ARGLU1: variants seen among roughly 807,000 people sequenced by gnomAD.
ARGLU1 encodes the protein arginine and glutamate-rich protein 1.
ARGLU1 carries 9 observed loss-of-function variants against 37.6 expected under a neutral mutation model. The ratio of observed to expected loss-of-function variants is 0.24; its 90% CI spans 0.14 to 0.42. The LOEUF (loss-of-function observed/expected upper bound fraction) is 0.42, where lower values mean the gene tolerates loss of function less well. Ranked by LOEUF, ARGLU1 falls within the 10% of genes least tolerant of loss-of-function variation. The probability of loss-of-function intolerance (pLI) is 1.00; values close to 1 mark genes in which losing one functional copy is unlikely to be tolerated. For synonymous variants in ARGLU1, 166 were observed against 138.5 expected (o/e 1.20, Z -1.39); for missense variants, 211 against 359.2 (o/e 0.59, Z 3.34).
chr13:106,562,948 A>G (rs1312923445), intron 1 of ARGLU1, among the ~76,000 whole-genome samples: 18 of 140,438 alleles, frequency 1.3e-4, no homozygotes, highest in Non-Finnish European at 2.4e-4. Flanking sequence ...GCGCCACTGC[A>G]CCACTGCACT....
chr13:106,562,580 C>T (rs1880839641), intron 1 of ARGLU1, among the ~76,000 whole-genome samples: 1 of 152,152 alleles, frequency 6.6e-6, no homozygotes, highest in Admixed American at 6.5e-5. Context: ...TGCTGAATAT[C>T]CATTTCCCTG....
At position 106,567,940 on chromosome 13, in the gene ARGLU1, C is replaced by G. The variant is rs1881023045; in HGVS notation, c.-21G>C. 1 of 1,596,328 alleles carries G rather than the reference C, an allele frequency of 6.3e-7. No individual in the cohort carries two copies. The highest frequency in any genetic ancestry group is 1.4e-5 in the African/African-American group (1 of 73,966). On this transcript the variant is annotated 5_prime_UTR_variant, in exon 1 of 4. Coordinates refer to ENST00000400198, the MANE Select transcript of ARGLU1 (RefSeq NM_018011.4). This position sits in a 1 kb window ranked among gnomAD's most constrained non-coding sequence, Gnocchi z 4.3. ...CCCATCCTTCCGGGAGACGCTCTAA[C>G]CGCTCGCCTCAGGCCCCTCACGCGG...
intron 1 of ARGLU1, among the ~76,000 whole-genome samples, chr13:106,563,548 A>C (rs1447014830): frequency 6.6e-6 from 1 of 152,220 alleles, no homozygotes; most frequent in Admixed American, 6.5e-5. Flanking sequence ...TCACATTTGT[A>C]ATCCCAGCAC....
At position 106,557,234 on chromosome 13, in the gene ARGLU1, G is replaced by C; in HGVS notation, c.574-103C>G. ...TGAACTTTTTTGATATGACTTACAG[G>C]GTAGCTTTATAGCTACCTTCTGTCT... On this transcript the variant is annotated intron_variant, in intron 2 of 3. Transcript: ENST00000400198. The surrounding 1 kb of genome is among the most constrained non-coding windows in gnomAD (Gnocchi z 5.0). The C allele has an allele frequency of 1.9e-6, 2 of 1,031,544 alleles. No homozygotes were observed. Among genetic ancestry groups the C allele is most frequent in the South Asian group, 1.4e-5 (1 of 69,306 alleles). The allele number at this position is 1,031,544 out of a possible 1,614,324, so 63.9% of individuals were successfully genotyped here.
chr13:106,567,656 C>T lies in ARGLU1; in HGVS notation c.264G>A (p.Thr88=), dbSNP rs769557116. 6.8e-6 allele frequency: 11 copies of T among 1,613,078 alleles called. No individual in the cohort carries two copies. The African/African-American group carries it at 1.3e-4, about 20-fold the overall frequency. Residue 88 remains threonine, a synonymous_variant, in exon 1 of 4, where the codon ACG becomes ACA. Transcript: ENST00000400198. The surrounding 1 kb of genome is among the most constrained non-coding windows in gnomAD (Gnocchi z 4.3). ...CGTCCAGGCTGCTGCGCTTGCTCAC[C>T]GTGCGCCCGAAGATGTCGATGCGGT... ...PPDRIDIFGR[T]VSKRSSLDEK... is the part of the protein sequence containing the mutation.
At chr13:106,550,751 G>GCC (rs746602721) in intron 3 of ARGLU1, among the ~76,000 whole-genome samples, 2 of 152,156 alleles carry the variant, frequency 1.3e-5, no homozygotes, top group Non-Finnish European at 2.9e-5. Context: ...TCTGTTCCCT[G>GCC]CCTCTTCCAG....
Position 106,567,778 on chromosome 13 carries a change from G to T in ARGLU1, c.142C>A (p.Arg48=). Residue 48 remains arginine (R), a synonymous_variant, in exon 1 of 4, where the codon CGG becomes AGG. Coordinates refer to ENST00000400198, the MANE Select transcript of ARGLU1 (RefSeq NM_018011.4). The surrounding 1 kb of genome is among the most constrained non-coding windows in gnomAD (Gnocchi z 4.3). The part of the protein sequence containing the change: ...RKRSKSRESK[R]NRRRESRSRS... ...GACCGCGACTCCCGCCGCCGGTTCC[G>T]TTTACTTTCCCGAGATTTGGAACGC... 1 of 1,613,344 alleles carries T rather than the reference G, an allele frequency of 6.2e-7. No homozygotes were observed. The highest frequency in any genetic ancestry group is 8.5e-7 in the Non-Finnish European group (1 of 1,179,656).
intron 3 of ARGLU1, among the ~76,000 whole-genome samples, chr13:106,546,329 T>C (rs1220637290): frequency 6.6e-6 from 1 of 152,218 alleles, no homozygotes; most frequent in Admixed American, 6.5e-5. Flanking sequence ...TAAAGTATAA[T>C]GTTTCTCTAA....
At position 106,567,761 on chromosome 13, in the gene ARGLU1, C is replaced by A; in HGVS notation, c.159G>T (p.Glu53Asp). 2 of 1,612,224 alleles carry A rather than the reference C, an allele frequency of 1.2e-6. No homozygotes were observed. The highest frequency in any genetic ancestry group is 1.7e-6 in the Non-Finnish European group (2 of 1,179,322). Residue 53 changes from glutamate (E) to aspartate (D), a missense_variant, in exon 1 of 4, where the codon GAG becomes GAT. This residue lies in a region of ARGLU1 where 130 missense variants were observed against 179.8 expected (regional missense o/e 0.72). Coordinates refer to ENST00000400198, the MANE Select transcript of ARGLU1 (RefSeq NM_018011.4). The surrounding 1 kb of genome is among the most constrained non-coding windows in gnomAD (Gnocchi z 4.3). ...SRESKRNRRR[E>D]SRSRSRSTNT... ...TGGTGGAGCGCGAACGGGACCGCGA[C>A]TCCCGCCGCCGGTTCCGTTTACTTT... is the stretch of plus-strand genomic sequence containing the variant.
In ARGLU1 at chr13:106,554,624, C is replaced by A. The variant is rs533312820; in HGVS notation, c.657+2424G>T. ...TTTCTTGGCCGGGCGCGGTAGCTCACGCCTGTAATCCCAGCACTTTGGGAG... is the reference window on the plus strand; with the variant it reads ...TTTCTTGGCCGGGCGCGGTAGCTCAAGCCTGTAATCCCAGCACTTTGGGAG... On this transcript the variant is annotated intron_variant, in intron 3 of 3. Transcript: ENST00000400198. Among the ~76,000 whole-genome samples the A allele has an allele frequency of 2.0e-5, 3 of 152,298 alleles. No homozygotes were observed. In the South Asian group the frequency reaches 6.2e-4, roughly 32 times the overall value.
intron 1 of ARGLU1, among the ~76,000 whole-genome samples, chr13:106,560,006 T>C (rs377316576): frequency 2.6e-5 from 4 of 152,212 alleles, no homozygotes; most frequent in South Asian, 2.1e-4. Context: ...TTAAAACATA[T>C]GGATTTGCTC....
intron 3 of ARGLU1, among the ~76,000 whole-genome samples, chr13:106,555,797 T>C (rs1410110245): frequency 6.6e-6 from 1 of 152,186 alleles, no homozygotes; most frequent in African/African-American, 2.4e-5. Context: ...AGATCTTGGC[T>C]GGGCACACCA....
chr13:106,564,079 T>C (rs972250060), intron 1 of ARGLU1, among the ~76,000 whole-genome samples: 1 of 152,190 alleles, frequency 6.6e-6, no homozygotes, highest in Non-Finnish European at 1.5e-5. Context: ...ACTGAATGGC[T>C]GGGACGCAAG....
Position 106,565,871 on chromosome 13 carries a change from T to C in ARGLU1, c.347+1702A>G, listed in dbSNP as rs112821335. Among the ~76,000 whole-genome samples the C allele has an allele frequency of 6.4e-4, 98 of 152,348 alleles. No homozygotes were observed. The Middle Eastern group carries it at 0.014, about 21-fold the overall frequency. The stretch of plus-strand genomic sequence containing the variant: ...TGCCGTATTTCATTCCTGAATTTCT[T>C]GTCTGCTATACATGCGAAACCTGCT... On this transcript the variant is annotated intron_variant, in intron 1 of 3. Coordinates refer to ENST00000400198, the MANE Select transcript of ARGLU1 (RefSeq NM_018011.4).
chr13:106,559,795 A>G (rs1202377853), intron 1 of ARGLU1, 138 bp from the exon 2 acceptor site: 1 of 920,586 alleles, frequency 1.1e-6, no homozygotes, highest in Non-Finnish European at 1.6e-6. Flanking sequence ...TCCATGTCAC[A>G]TTTGAGGAAA....
chr13:106,545,294 T>C (rs896951313), intron 3 of ARGLU1, among the ~76,000 whole-genome samples: 5 of 152,310 alleles, frequency 3.3e-5, no homozygotes, highest in Non-Finnish European at 5.9e-5. Flanking sequence ...TTATCCTTTT[T>C]CCCCTCTATC....
chr13:106,565,850 G>C (rs1305782739), intron 1 of ARGLU1, among the ~76,000 whole-genome samples: 1 of 152,114 alleles, frequency 6.6e-6, no homozygotes, highest in Non-Finnish European at 1.5e-5. Context: ...TCTATTTGCC[G>C]TATTTCATTC....
rs913872769 is a variant in ARGLU1 at position 106,543,499 on chromosome 13, G to C, written c.*497C>G. 3 of 152,750 alleles carry C rather than the reference G, an allele frequency of 2.0e-5. No homozygotes were observed. The highest frequency in any genetic ancestry group is 7.2e-5 in the African/African-American group (3 of 41,412). 9.5% of individuals were successfully genotyped at this position (152,750 alleles called of 1,614,324 possible). A position where few individuals can be genotyped will look rare whatever the true frequency, so the allele number is the denominator to read the frequency against. On this transcript the variant is annotated 3_prime_UTR_variant, in exon 4 of 4. Transcript: ENST00000400198. ...TCCTTACCTGTATCAGGAACATCAA[G>C]AGCAACAGTATCACAAGGACACTGG...
chr13:106,562,997 AAAAAAAAAAAAC>A (rs1373148535), intron 1 of ARGLU1, among the ~76,000 whole-genome samples: 2 of 130,734 alleles, frequency 1.5e-5, no homozygotes, highest in East Asian at 2.4e-4. Context: ...TCTCAAAAAA[AAAAAAAAAAAAC>A]AAAAAAAAAA....
Sources: allele counts gnomAD v4.1 joint callset (sites outside exome capture counted in the v4.1 genomes callset), GRCh38; gene constraint gnomAD v4.1.1; regional missense constraint gnomAD v4.1.1; non-coding constraint Gnocchi (gnomAD v3.1); transcripts MANE v1.5; gene names NCBI Gene and HGNC (gene_info 2026-07-23, HGNC 2026-07-21).